The following DNM2 variants were observed in gnomAD, a reference collection of about 807,000 sequenced individuals.
The protein encoded by DNM2 is dynamin 2, also known as dynamin-2.
DNM2 carries 15 observed loss-of-function variants against 99.0 expected under a neutral mutation model. The observed-to-expected ratio is 0.15, with a 90% confidence interval of 0.10 to 0.23. The LOEUF (loss-of-function observed/expected upper bound fraction) is 0.23, where lower values mean the gene tolerates loss of function less well. Among genes scored for constraint, DNM2 ranks in the 10% least tolerant of loss-of-function variants. The pLI is 1.00. For missense variants in DNM2, 742 were observed against 1,189.4 expected (o/e 0.62, Z 5.53); for synonymous variants, 525 against 481.2 (o/e 1.09, Z -1.19).
intron 1 of DNM2, among the ~76,000 whole-genome samples, chr19:10,754,359 G>A (rs1269818832): frequency 1.3e-5 from 2 of 149,378 alleles, no homozygotes; most frequent in African/African-American, 2.5e-5. Context: ...AGGTTCAAGC[G>A]ATTCTGCCTC....
At chr19:10,718,453 A>C in intron 1 of DNM2, 50 bp downstream of exon 1, 3 of 1,340,306 alleles carry the variant, frequency 2.2e-6, no homozygotes, top group Non-Finnish European at 2.9e-6. Flanking sequence ...TAGGGCGCGG[A>C]GGGCGGACCG....
intron 7 of DNM2, among the ~76,000 whole-genome samples, chr19:10,787,183 A>G (rs981775272): frequency 3.3e-5 from 5 of 151,870 alleles, no homozygotes; most frequent in Admixed American, 6.6e-5. Context: ...AAATTGCAAA[A>G]TTAGGCTGGG....
chr19:10,790,275 T>G (rs1201507995), intron 7 of DNM2, among the ~76,000 whole-genome samples: 2 of 145,126 alleles, frequency 1.4e-5, no homozygotes, highest in Non-Finnish European at 3.0e-5. Flanking sequence ...CCAGTGCCCA[T>G]GGGGACACCC....
At chr19:10,785,786 A>G (rs1434917384) in intron 6 of DNM2, among the ~76,000 whole-genome samples, 1 of 152,084 alleles carries the variant, frequency 6.6e-6, no homozygotes, top group Non-Finnish European at 1.5e-5. Flanking sequence ...CTTTGCAAGT[A>G]TAGGCTGATT....
intron 13 of DNM2, among the ~76,000 whole-genome samples, chr19:10,806,289 G>A (rs964333024): frequency 2.0e-5 from 3 of 152,106 alleles, no homozygotes; most frequent in Non-Finnish European, 2.9e-5. Flanking sequence ...GGAGGCCGAG[G>A]TGGGAGGATC....
intron 1 of DNM2, among the ~76,000 whole-genome samples, chr19:10,753,996 CAAAAA>C (rs1470183414): frequency 8.5e-5 from 13 of 152,164 alleles, no homozygotes; most frequent in African/African-American, 3.1e-4. Flanking sequence ...TATATGTTTT[CAAAAA>C]GAAAACATAT....
At position 10,772,431 on chromosome 19, in the gene DNM2, C is replaced by A; in HGVS notation, c.236-48C>A. 6.2e-7 allele frequency: 1 copy of A among 1,611,172 alleles called. No individual in the cohort carries two copies. The highest frequency in any genetic ancestry group is 8.5e-7 in the Non-Finnish European group (1 of 1,179,484). ...ATTTCTCCCCGCAGTCCATGCGCAC[C>A]CTGCCCACAGCTCTTTCTCATTTTC... On this transcript the variant is annotated intron_variant, in intron 2 of 20. Coordinates refer to ENST00000389253, the MANE Select transcript of DNM2 (RefSeq NM_001005361.3). This position sits in a 1 kb window ranked among gnomAD's most constrained non-coding sequence, Gnocchi z 4.9.
chr19:10,757,636 C>T (rs559918473), intron 1 of DNM2, among the ~76,000 whole-genome samples: 5 of 152,240 alleles, frequency 3.3e-5, no homozygotes, highest in Admixed American at 6.5e-5. Flanking sequence ...CATCTAGGTG[C>T]AAAACCTGTT....
Position 10,820,137 on chromosome 19 carries a change from C to A in DNM2, c.1781+48C>A. 1 of 1,565,056 alleles carries A rather than the reference C, an allele frequency of 6.4e-7. No homozygotes were observed. Among genetic ancestry groups the A allele is most frequent in the South Asian group, 1.1e-5 (1 of 90,128 alleles). The stretch of plus-strand genomic sequence containing the variant: ...GATGGCTCGGGGTGAAGACCAATGG[C>A]CTCATTCACACTCCACAACCTTCAC... On this transcript the variant is annotated intron_variant, in intron 16 of 20. Coordinates refer to ENST00000389253, the MANE Select transcript of DNM2 (RefSeq NM_001005361.3). This position sits in a 1 kb window ranked among gnomAD's most constrained non-coding sequence, Gnocchi z 4.3.
At chr19:10,791,783 C>T (rs2071762293) in intron 7 of DNM2, among the ~76,000 whole-genome samples, 1 of 152,162 alleles carries the variant, frequency 6.6e-6, no homozygotes, top group Non-Finnish European at 1.5e-5. Flanking sequence ...GTTTGGTCCA[C>T]AATTCAAATT....
chr19:10,797,435 G>A lies in DNM2; in HGVS notation c.1252G>A (p.Val418Ile). Residue 418 changes from valine (V) to isoleucine (I), a missense_variant, in exon 10 of 21, where the codon GTA becomes ATA. Transcript: ENST00000389253. ...TGAAGCCATTGTGAAAAAACAGATTGTAAAACTCAAAGAGCCGAGTTTGAA... is the reference window on the plus strand; with the variant it reads ...TGAAGCCATTGTGAAAAAACAGATTATAAAACTCAAAGAGCCGAGTTTGAA... ...AFEAIVKKQIVKLKEPSLKCV... is the reference protein window; with the variant it reads ...AFEAIVKKQIIKLKEPSLKCV... 3.7e-6 allele frequency: 6 copies of A among 1,613,986 alleles called. No homozygotes were observed. The highest frequency in any genetic ancestry group is 1.7e-5 in the Admixed American group (1 of 60,006).
rs376456847 is a variant in DNM2, at chr19:10,764,360, G to T, written c.235+4549G>T. The stretch of plus-strand genomic sequence containing the variant: ...ACAGGGCCCCCAGGGCGCAGCCCAC[G>T]TTCCCCTCTGGTTCCCGCAGCTTGC... On this transcript the variant is annotated intron_variant, in intron 2 of 20. Transcript: ENST00000389253. The surrounding 1 kb of genome is among the most constrained non-coding windows in gnomAD (Gnocchi z 4.1). Among the ~76,000 whole-genome samples, 2 of 152,214 alleles carry T rather than the reference G, an allele frequency of 1.3e-5. No homozygotes were observed. Among genetic ancestry groups the T allele is most frequent in the Admixed American group, 6.5e-5 (1 of 15,282 alleles).
At chr19:10,731,757 T>C (rs767828305) in intron 1 of DNM2, among the ~76,000 whole-genome samples, 1 of 152,220 alleles carries the variant, frequency 6.6e-6, no homozygotes, top group Non-Finnish European at 1.5e-5. Context: ...TGGGTTGATG[T>C]ATCTCTCTGT....
intron 1 of DNM2, among the ~76,000 whole-genome samples, chr19:10,747,939 G>C (rs1355309068): frequency 6.6e-6 from 1 of 152,174 alleles, no homozygotes; most frequent in African/African-American, 2.4e-5. Flanking sequence ...AAGGTTCCAG[G>C]CTGAGGGAAC....
Position 10,830,850 on chromosome 19 carries a change from C to T in DNM2, c.2544-128C>T, listed in dbSNP as rs575857967. The T allele has an allele frequency of 7.8e-5, 92 of 1,176,954 alleles. No homozygotes were observed. The highest frequency in any genetic ancestry group is 2.0e-4 in the East Asian group (7 of 35,826). The allele number at this position is 1,176,954 out of a possible 1,614,324, so 72.9% of individuals were successfully genotyped here. A position where few individuals can be genotyped will look rare whatever the true frequency, so the allele number is the denominator to read the frequency against. On this transcript the variant is annotated intron_variant, in intron 20 of 20. Transcript: ENST00000389253. This position sits in a 1 kb window ranked among gnomAD's most constrained non-coding sequence, Gnocchi z 4.8. Reference sequence around the variant, plus strand: ...TCCTGCCCGACACCCTGGTGGCTTGCGGAGGTCAGCCTGGGAACACCCTGG... The same window carrying T: ...TCCTGCCCGACACCCTGGTGGCTTGTGGAGGTCAGCCTGGGAACACCCTGG...
intron 8 of DNM2, among the ~76,000 whole-genome samples, chr19:10,794,548 C>G (rs2071868207): frequency 6.6e-6 from 1 of 152,036 alleles, no homozygotes; most frequent in South Asian, 2.1e-4. Context: ...TCAAGACCAG[C>G]CTGGGCAACA....
chr19:10,749,646 A>G (rs1359033562), intron 1 of DNM2, among the ~76,000 whole-genome samples: 2 of 152,244 alleles, frequency 1.3e-5, no homozygotes, highest in Non-Finnish European at 2.9e-5. Context: ...CTTTGAACCC[A>G]GGCTGCCTGG....
At chr19:10,744,478 G>A (rs1338734520) in intron 1 of DNM2, among the ~76,000 whole-genome samples, 1 of 152,140 alleles carries the variant, frequency 6.6e-6, no homozygotes, top group African/African-American at 2.4e-5. Flanking sequence ...GTCTCGGGGT[G>A]GAGGGAACTA....
rs1024178786 is a variant in DNM2, at chr19:10,818,653, C to T, written c.1672-1327C>T. On this transcript the variant is annotated intron_variant, in intron 15 of 20. Coordinates refer to ENST00000389253, the MANE Select transcript of DNM2 (RefSeq NM_001005361.3). This position sits in a 1 kb window ranked among gnomAD's most constrained non-coding sequence, Gnocchi z 4.3. ...CTTGCCAGGGAGCCCCCGCTGCCTT[C>T]TCCACAGTCACTGTGGCTGCTCCTG... Among the ~76,000 whole-genome samples, 1 of 152,238 alleles carries T rather than the reference C, an allele frequency of 6.6e-6. No individual in the cohort carries two copies. The highest frequency in any genetic ancestry group is 2.4e-5 in the African/African-American group (1 of 41,472).
Sources: gnomAD v4.1 joint callset for allele counts (sites outside exome capture counted in the v4.1 genomes callset) on GRCh38, gnomAD v4.1.1 for gene constraint, Gnocchi (gnomAD v3.1) non-coding constraint, MANE v1.5 for transcripts, NCBI Gene and HGNC (gene_info 2026-07-23, HGNC 2026-07-21) for gene names.